The following YPEL5 variants were observed in gnomAD, a reference collection of about 807,000 sequenced individuals.
The protein encoded by YPEL5 is protein yippee-like 5.
A neutral mutation model predicts 10.5 loss-of-function variants in YPEL5; 1 was observed. That is an observed-to-expected ratio of 0.10 (90% CI 0.03 to 0.45). YPEL5 has a LOEUF of 0.45. YPEL5 is among the 20% of genes least tolerant of loss of function. The pLI is 0.97. For synonymous variants in YPEL5, 61 were observed against 56.6 expected (o/e 1.08, Z -0.35); for missense variants, 68 against 159.3 (o/e 0.43, Z 3.09).
intron 1 of YPEL5, among the ~76,000 whole-genome samples, chr2:30,152,357 T>G (rs2103511283): frequency 6.6e-6 from 1 of 152,338 alleles, no homozygotes. Context: ...TCACACTCGC[T>G]GACCCTGAAA....
Position 30,158,958 on chromosome 2 carries a change from G to A in YPEL5, c.*115G>A. On this transcript the variant is annotated 3_prime_UTR_variant, in exon 3 of 3. Coordinates refer to ENST00000261353, the MANE Select transcript of YPEL5 (RefSeq NM_016061.3). ...GGATTAATGAACTGCGGAACAAGAGGTTGTGAGAATCTAAGATGGAACCTT... is the reference window on the plus strand; with the variant it reads ...GGATTAATGAACTGCGGAACAAGAGATTGTGAGAATCTAAGATGGAACCTT... The A allele has an allele frequency of 1.0e-6, 1 of 963,524 alleles. No homozygotes were observed. Among genetic ancestry groups the A allele is most frequent in the Non-Finnish European group, 1.5e-6 (1 of 656,514 alleles). 59.7% of individuals were successfully genotyped at this position (963,524 alleles called of 1,614,324 possible).
At chr2:30,156,936 G>T (rs559620123) in intron 2 of YPEL5, 144 bp downstream of exon 2, 3 of 976,644 alleles carry the variant, frequency 3.1e-6, no homozygotes, top group East Asian at 2.6e-5. Flanking sequence ...CCACTAGCTC[G>T]TCTTTGATGG....
In YPEL5 at chr2:30,158,859, T is replaced by C; in HGVS notation, c.*16T>C. On this transcript the variant is annotated 3_prime_UTR_variant, in exon 3 of 3. Coordinates refer to ENST00000261353, the MANE Select transcript of YPEL5 (RefSeq NM_016061.3). The stretch of plus-strand genomic sequence containing the variant: ...TAACTCTTGAAGATACAGAGAGAAA[T>C]CCATCTTTTCCCAGGTCTCCTTCAC... The C allele has an allele frequency of 1.2e-6, 2 of 1,611,588 alleles. No individual in the cohort carries two copies. Among genetic ancestry groups the C allele is most frequent in the Admixed American group, 1.7e-5 (1 of 59,952 alleles).
rs1219127826 is a variant in YPEL5 at position 30,160,386 on chromosome 2, C to T, written c.*1543C>T. On this transcript the variant is annotated 3_prime_UTR_variant, in exon 3 of 3. Transcript: ENST00000261353. ...AATAAGTGGACACAAACTATCCTTT[C>T]TCCACCATGGACTCAATCTGAGAAC... 6.6e-6 allele frequency: 1 copy of T among 152,228 alleles called. No homozygotes were observed. Among genetic ancestry groups the T allele is most frequent in the Non-Finnish European group, 1.5e-5 (1 of 68,038 alleles). 9.4% of individuals were successfully genotyped at this position (152,228 alleles called of 1,614,324 possible). A position where few individuals can be genotyped will look rare whatever the true frequency, so the allele number is the denominator to read the frequency against.
At chr2:30,156,416 C>G (rs1054383294) in intron 1 of YPEL5, 1 of 464,388 alleles carries the variant, frequency 2.2e-6, no homozygotes, top group African/African-American at 1.9e-5. Context: ...TGGCTCACTG[C>G]TTTAAAATCT....
intron 1 of YPEL5, among the ~76,000 whole-genome samples, chr2:30,153,259 CT>C (rs1470765388): frequency 6.6e-6 from 1 of 152,158 alleles, no homozygotes; most frequent in African/African-American, 2.4e-5. Flanking sequence ...TAACAGGGTA[CT>C]ATAGACTGTA....
At position 30,158,951 on chromosome 2, in the gene YPEL5, A is replaced by G. The variant is rs1296803323; in HGVS notation, c.*108A>G. On this transcript the variant is annotated 3_prime_UTR_variant, in exon 3 of 3. Transcript: ENST00000261353. ...CAGAGTCGGATTAATGAACTGCGGA[A>G]CAAGAGGTTGTGAGAATCTAAGATG... 14 of 1,022,832 alleles carry G rather than the reference A, an allele frequency of 1.4e-5. No individual in the cohort carries two copies. The highest frequency in any genetic ancestry group is 7.1e-6 in the Non-Finnish European group (5 of 704,030). The allele number at this position is 1,022,832 out of a possible 1,614,324, so 63.4% of individuals were successfully genotyped here.
intron 1 of YPEL5, among the ~76,000 whole-genome samples, chr2:30,152,313 A>G (rs1035510389): frequency 4.6e-5 from 7 of 152,330 alleles, no homozygotes; most frequent in Admixed American, 1.3e-4. Flanking sequence ...GCAGAAATGA[A>G]GTGGTACGTA....
intron 1 of YPEL5, among the ~76,000 whole-genome samples, chr2:30,151,809 C>T (rs1385019518): frequency 6.6e-6 from 1 of 152,230 alleles, no homozygotes. Flanking sequence ...CCAGAATCAA[C>T]ACCAAACATT....
rs1229434742 is a variant in YPEL5, at chr2:30,160,392, C to T, written c.*1549C>T. On this transcript the variant is annotated 3_prime_UTR_variant, in exon 3 of 3. Transcript: ENST00000261353. ...TGGACACAAACTATCCTTTCTCCACCATGGACTCAATCTGAGAACAACAGC... is the reference window on the plus strand; with the variant it reads ...TGGACACAAACTATCCTTTCTCCACTATGGACTCAATCTGAGAACAACAGC... 6.6e-6 allele frequency: 1 copy of T among 152,200 alleles called. No individual in the cohort carries two copies. The highest frequency in any genetic ancestry group is 1.5e-5 in the Non-Finnish European group (1 of 68,032). 9.4% of individuals were successfully genotyped at this position (152,200 alleles called of 1,614,324 possible). A position where few individuals can be genotyped will look rare whatever the true frequency, so the allele number is the denominator to read the frequency against.
At chr2:30,157,916 T>A (rs1326258581) in intron 2 of YPEL5, among the ~76,000 whole-genome samples, 1 of 152,252 alleles carries the variant, frequency 6.6e-6, no homozygotes, top group Non-Finnish European at 1.5e-5. Flanking sequence ...TGTCTACAGC[T>A]TCTTTCATGC....
At chr2:30,154,286 A>C (rs1675940379) in intron 1 of YPEL5, among the ~76,000 whole-genome samples, 1 of 152,264 alleles carries the variant, frequency 6.6e-6, no homozygotes, top group Admixed American at 6.5e-5. Flanking sequence ...CAAGATTCAG[A>C]AACATGACCA....
At chr2:30,151,637 T>C (rs2103509850) in intron 1 of YPEL5, among the ~76,000 whole-genome samples, 1 of 152,284 alleles carries the variant, frequency 6.6e-6, no homozygotes, top group East Asian at 1.9e-4. Context: ...AAGAAAATAG[T>C]ACCAAAGAGG....
chr2:30,151,004 CA>C (rs1270752614), intron 1 of YPEL5, among the ~76,000 whole-genome samples: 1 of 152,058 alleles, frequency 6.6e-6, no homozygotes, highest in Admixed American at 6.6e-5. Context: ...TTTAAAAGTA[CA>C]AAATTCATTC....
intron 2 of YPEL5, among the ~76,000 whole-genome samples, chr2:30,157,599 A>G (rs1395836837): frequency 6.6e-6 from 1 of 152,144 alleles, no homozygotes; most frequent in East Asian, 1.9e-4. Flanking sequence ...CTGTCTCTCT[A>G]ATTTCTGGCT....
At chr2:30,147,616 G>A (rs984730910) in intron 1 of YPEL5, 9 of 152,014 alleles carry the variant, frequency 5.9e-5, no homozygotes, top group Non-Finnish European at 1.0e-4. Context: ...ACCGTCCTGA[G>A]CAGGGCCCAC....
rs980621493 is a variant in YPEL5 at position 30,154,738 on chromosome 2, A to C, written c.-24-1890A>C. 1.4e-4 allele frequency among the ~76,000 whole-genome samples: 21 copies of C among 151,980 alleles called. 1 individual carries two copies. Among genetic ancestry groups the C allele is most frequent in the Admixed American group, 1.2e-3 (18 of 15,254 alleles). On this transcript the variant is annotated intron_variant, in intron 1 of 2. Coordinates refer to ENST00000261353, the MANE Select transcript of YPEL5 (RefSeq NM_016061.3). ...CTGACTTATATGTAAATAAATAATA[A>C]ATGTATTTTTTCTTTTTTGAGACGG...
Position 30,149,051 on chromosome 2 carries a change from A to G in YPEL5, c.-25+1989A>G, listed in dbSNP as rs373304651. 5.0e-4 allele frequency among the ~76,000 whole-genome samples: 76 copies of G among 152,338 alleles called. 1 individual carries two copies. Among genetic ancestry groups the G allele is most frequent in the East Asian group, 9.6e-4 (5 of 5,192 alleles). On this transcript the variant is annotated intron_variant, in intron 1 of 2. Transcript: ENST00000261353. ...AGCCAGACAGGTAAATTACACGTCA[A>G]TCCATCTAGTTAGAGGCTTTTGGTA...
chr2:30,155,441 T>C (rs1271826179), intron 1 of YPEL5, among the ~76,000 whole-genome samples: 1 of 152,236 alleles, frequency 6.6e-6, no homozygotes, highest in African/African-American at 2.4e-5. Context: ...TAGATTCTCA[T>C]TATGAACATG....
Sources: allele counts gnomAD v4.1 joint callset (sites outside exome capture counted in the v4.1 genomes callset), GRCh38; gene constraint gnomAD v4.1.1; transcripts MANE v1.5; gene names NCBI Gene and HGNC (gene_info 2026-07-23, HGNC 2026-07-21).